SNRPN: variants seen among roughly 807,000 people sequenced by gnomAD.
The protein encoded by SNRPN is small nuclear ribonucleoprotein-associated protein N.
Under a neutral mutation model 25.2 loss-of-function variants are expected in SNRPN, and 7 were observed. The observed-to-expected ratio is 0.28, with a 90% CI of 0.16 to 0.52. The LOEUF is 0.52. Ranked by LOEUF, SNRPN falls within the 20% of genes least tolerant of loss-of-function variation. SNRPN has a pLI of 0.96. For synonymous variants in SNRPN, 124 were observed against 110.6 expected (o/e 1.12, Z -0.76); for missense variants, 196 against 322.5 (o/e 0.61, Z 3.00).
chr15:24,951,496 ATTG>A (rs2153222392), upstream of SNRPN, among the ~76,000 whole-genome samples: 1 of 148,596 alleles, frequency 6.7e-6, no homozygotes, highest in Admixed American at 6.7e-5. Flanking sequence ...TTGTCCTTTT[ATTG>A]TTGAATAGTA....
At chr15:24,892,604 G>A (rs1445751710) in intron 2 of SNRPN, among the ~76,000 whole-genome samples, 1 of 151,596 alleles carries the variant, frequency 6.6e-6, no homozygotes, top group Non-Finnish European at 1.5e-5. Context: ...GGGTGTGGTG[G>A]CACATGCCTG....
rs199839388 is a variant in SNRPN at position 24,962,151 on chromosome 15, G to A, written c.-353G>A. ...CCTGAGACGAACTACAGAACAGCAC[G>A]TACCAGAGGTGGAAGTCCAAGTCAA... is the stretch of plus-strand genomic sequence containing the variant. On this transcript the variant is annotated 5_prime_UTR_variant, in exon 2 of 10. Coordinates refer to ENST00000390687, the MANE Select transcript of SNRPN (RefSeq NM_003097.6). 238 of 1,614,004 alleles carry A rather than the reference G, an allele frequency of 1.5e-4. 1 individual carries two copies. Among genetic ancestry groups the A allele is most frequent in the Non-Finnish European group, 1.5e-4 (173 of 1,180,030 alleles).
intron 3 of SNRPN, among the ~76,000 whole-genome samples, chr15:24,927,475 AATTTTTTTTTTTTTTTTTTTTTTT>A (rs1323467330): frequency 0.036 from 4,112 of 113,374 alleles, 309 homozygotes; most frequent in East Asian, 0.18. Context: ...AAAGTTTTTA[AATTTTTTTTTTTTTTTTTTTTTTT>A]TTTTTTTTTT....
chr15:24,915,334 G>A (rs543566173), intron 2 of SNRPN, among the ~76,000 whole-genome samples: 38 of 152,174 alleles, frequency 2.5e-4, no homozygotes, highest in African/African-American at 9.2e-4. Flanking sequence ...CACCATGTTG[G>A]TCAGGCTGGT....
At chr15:24,893,152 G>C (rs1433024997) in intron 2 of SNRPN, among the ~76,000 whole-genome samples, 2 of 152,054 alleles carry the variant, frequency 1.3e-5, no homozygotes, top group Non-Finnish European at 2.9e-5. Flanking sequence ...AGGTTGCAGT[G>C]AGCCGAAATC....
chr15:24,863,123 A>G lies in SNRPN; in HGVS notation c.-579+6407A>G, dbSNP rs138800636. On this transcript the variant is annotated intron_variant, in intron 1 of 11. Coordinates refer to the SNRPN transcript ENST00000400097. ...AACAAGTAAGAATAGTCCTTGTTTG[A>G]TGGGAAGGAGCAGTAGCATTACCAG... 1.0e-3 allele frequency among the ~76,000 whole-genome samples: 150 copies of G among 149,844 alleles called. 2 individuals are homozygous for G. The highest frequency in any genetic ancestry group is 1.8e-3 in the Non-Finnish European group (125 of 67,814).
intron 3 of SNRPN, among the ~76,000 whole-genome samples, chr15:24,971,562 T>C (rs1264307189): frequency 6.6e-6 from 1 of 151,800 alleles, no homozygotes. Context: ...TATAAAATAA[T>C]AATCTGTCCC....
At chr15:24,837,610 C>A (rs1362655560) in intron 2 of SNRPN, among the ~76,000 whole-genome samples, 1 of 151,904 alleles carries the variant, frequency 6.6e-6, no homozygotes, top group Admixed American at 6.6e-5. Context: ...ACTTCGTGAT[C>A]CACCCGCCTC....
chr15:24,919,146 A>G (rs1224634122), intron 2 of SNRPN, among the ~76,000 whole-genome samples: 1 of 150,980 alleles, frequency 6.6e-6, no homozygotes, highest in African/African-American at 2.4e-5. Flanking sequence ...AAGTTATTCA[A>G]TTGCTGGGCG....
intron 2 of SNRPN, among the ~76,000 whole-genome samples, chr15:24,832,533 A>T (rs943059532): frequency 6.6e-6 from 1 of 151,980 alleles, no homozygotes; most frequent in Non-Finnish European, 1.5e-5. Context: ...AAAAAAGGGC[A>T]CTCTGATAGG....
At position 24,976,460 on chromosome 15, in the gene SNRPN, C is replaced by T. The variant is rs574190249; in HGVS notation, c.267+44C>T. ...AGGACAGAACTTTAATTTGCAGGGA[C>T]ATCATATTATGTGAGATGTCTGAAA... On this transcript the variant is annotated intron_variant, in intron 6 of 9. Coordinates refer to ENST00000390687, the MANE Select transcript of SNRPN (RefSeq NM_003097.6). 75 of 1,278,646 alleles carry T rather than the reference C, an allele frequency of 5.9e-5. No individual in the cohort carries two copies. In the East Asian group the frequency reaches 1.7e-3, roughly 29 times the overall value. The allele number at this position is 1,278,646 out of a possible 1,614,324, so 79.2% of individuals were successfully genotyped here.
chr15:24,920,258 T>C (rs569577129), intron 3 of SNRPN: 1 of 152,338 alleles, frequency 6.6e-6, no homozygotes, highest in East Asian at 1.9e-4. Flanking sequence ...ACGTGTTGTG[T>C]TGCTCAAGCC....
chr15:24,973,447 G>A (rs1184424168), intron 3 of SNRPN, among the ~76,000 whole-genome samples: 1 of 152,008 alleles, frequency 6.6e-6, no homozygotes, highest in Non-Finnish European at 1.5e-5. Flanking sequence ...GCCCAGGCTG[G>A]AGTGCAGTGG....
chr15:24,830,873 G>A (rs2050458442), intron 2 of SNRPN, among the ~76,000 whole-genome samples: 1 of 151,948 alleles, frequency 6.6e-6, no homozygotes, highest in Non-Finnish European at 1.5e-5. Flanking sequence ...GTGGTCCTGT[G>A]GGCTTGAGTT....
chr15:24,958,007 C>T (rs2063199444), intron 1 of SNRPN, among the ~76,000 whole-genome samples: 1 of 152,072 alleles, frequency 6.6e-6, no homozygotes, highest in Non-Finnish European at 1.5e-5. Context: ...AGGAAGGAAG[C>T]TTGGTTGAGA....
intron 3 of SNRPN, among the ~76,000 whole-genome samples, chr15:24,925,868 A>C (rs953093901): frequency 1.3e-5 from 2 of 151,938 alleles, no homozygotes; most frequent in Admixed American, 6.6e-5. Flanking sequence ...CAGCCTCCCG[A>C]GTAGCGGTAG....
chr15:24,850,957 G>A (rs1287978537), intron 2 of SNRPN: 4 of 149,994 alleles, frequency 2.7e-5, no homozygotes, highest in African/African-American at 9.8e-5. Flanking sequence ...GTCTTATTTT[G>A]TTGCCCAGGC....
chr15:24,916,251 C>G (rs774738623), intron 2 of SNRPN, among the ~76,000 whole-genome samples: 3 of 152,080 alleles, frequency 2.0e-5, no homozygotes, highest in Non-Finnish European at 2.9e-5. Context: ...TGAGCCACCG[C>G]GCCCAGCCTT....
intron 1 of SNRPN, among the ~76,000 whole-genome samples, chr15:24,866,402 G>GCATTT (rs1171044549): frequency 6.6e-6 from 1 of 151,984 alleles, no homozygotes; most frequent in Admixed American, 6.6e-5. Context: ...CACTTTTTAA[G>GCATTT]CATTTTTTTA....
Sources: allele counts gnomAD v4.1 joint callset (sites outside exome capture counted in the v4.1 genomes callset), GRCh38; gene constraint gnomAD v4.1.1; transcripts MANE v1.5; gene names NCBI Gene and HGNC (gene_info 2026-07-23, HGNC 2026-07-21).